GALNT13: variants seen among roughly 807,000 people sequenced by gnomAD.
The protein encoded by GALNT13 is UDP-GalNAc:polypeptide N-acetylgalactosaminyltransferase 13.
A neutral mutation model predicts 64.2 loss-of-function variants in GALNT13; 28 were observed. That is an observed-to-expected ratio of 0.44 (90% CI 0.32 to 0.60). The LOEUF (loss-of-function observed/expected upper bound fraction) is 0.60, where lower values mean the gene tolerates loss of function less well. Ranked by LOEUF, GALNT13 falls within the 20% of genes least tolerant of loss-of-function variation. The pLI, the probability that GALNT13 is intolerant of heterozygous loss-of-function variation, is 0.05. For missense variants in GALNT13, 577 were observed against 669.8 expected, an observed-to-expected ratio of 0.86 and a Z score of 1.53; for synonymous variants, 214 against 224.6, an observed-to-expected ratio of 0.95 and a Z score of 0.42.
chr2:153,872,635 A>C (rs13027559), intron 1 of GALNT13, among the ~76,000 whole-genome samples: 3 of 42,314 alleles, frequency 7.1e-5, no homozygotes, highest in South Asian at 1.6e-3. Flanking sequence ...GGGGGGGGGG[A>C]GCGGCTCTGG....
chr2:153,899,913 A>G (rs536117988), intron 1 of GALNT13, among the ~76,000 whole-genome samples: 1 of 130,884 alleles, frequency 7.6e-6, no homozygotes, highest in South Asian at 2.5e-4. Context: ...AGGGAGATAT[A>G]TACATATATA....
chr2:153,117,126 A>G, the GALNT13 span, among the ~76,000 whole-genome samples: 2 of 151,808 alleles, frequency 1.3e-5, no homozygotes, highest in African/African-American at 4.8e-5. Flanking sequence ...TTTAAGAAAA[A>G]CCAGCCTCAT....
the GALNT13 span, among the ~76,000 whole-genome samples, chr2:153,720,541 G>C: frequency 4.7e-5 from 7 of 149,512 alleles, no homozygotes; most frequent in Non-Finnish European, 7.5e-5. Context: ...CAAACCAAAG[G>C]CAAAGAAGTT....
rs756418965 is a variant in GALNT13 at position 154,328,643 on chromosome 2, AT to A, written c.1156+27057del. Among the ~76,000 whole-genome samples the A allele has an allele frequency of 5.3e-5, 8 of 152,234 alleles. No individual in the cohort carries two copies. The East Asian group carries it at 1.6e-3, about 30-fold the overall frequency. ...CTACATCTACTGAATCAAAATCTGT[AT>A]TTCAACCAATCATTCCACGGCATAT... On this transcript the variant is annotated intron_variant, in intron 9 of 12. Coordinates refer to ENST00000392825, the MANE Select transcript of GALNT13 (RefSeq NM_052917.4).
At chr2:154,341,879 G>T (rs949905644) in intron 9 of GALNT13, among the ~76,000 whole-genome samples, 1 of 152,078 alleles carries the variant, frequency 6.6e-6, no homozygotes, top group Non-Finnish European at 1.5e-5. Context: ...CAGATGTCAT[G>T]AAATGATTGT....
chr2:154,002,246 T>C (rs962167565), intron 3 of GALNT13, among the ~76,000 whole-genome samples: 1 of 152,146 alleles, frequency 6.6e-6, no homozygotes, highest in African/African-American at 2.4e-5. Context: ...ATTATTGTCT[T>C]AAATAATCTT....
the GALNT13 span, among the ~76,000 whole-genome samples, chr2:153,573,599 C>T: frequency 6.6e-6 from 1 of 151,826 alleles, no homozygotes; most frequent in Non-Finnish European, 1.5e-5. Flanking sequence ...TTTGTGTATC[C>T]ATTGCATGTT....
intron 2 of GALNT13, among the ~76,000 whole-genome samples, chr2:153,911,905 A>G (rs903470853): frequency 1.3e-5 from 2 of 151,952 alleles, no homozygotes; most frequent in African/African-American, 4.8e-5. Flanking sequence ...CCTGTGAAGT[A>G]TTTTGTGGGG....
At chr2:154,335,646 C>T (rs1417296872) in intron 9 of GALNT13, among the ~76,000 whole-genome samples, 2 of 151,884 alleles carry the variant, frequency 1.3e-5, no homozygotes, top group Admixed American at 6.6e-5. Context: ...ATACATTGAA[C>T]ATTTTTTGTT....
At chr2:153,405,401 T>C in the GALNT13 span, among the ~76,000 whole-genome samples, 1 of 152,206 alleles carries the variant, frequency 6.6e-6, no homozygotes, top group African/African-American at 2.4e-5. Flanking sequence ...TGTGTGCCTG[T>C]GTATCTTCAT....
At chr2:153,682,490 C>T in the GALNT13 span, among the ~76,000 whole-genome samples, 7 of 151,822 alleles carry the variant, frequency 4.6e-5, no homozygotes, top group Admixed American at 4.0e-4. Flanking sequence ...ATCACTCCCT[C>T]TGCAAACTGT....
intron 4 of GALNT13, among the ~76,000 whole-genome samples, chr2:154,226,893 T>C (rs111755627): frequency 0.024 from 3,705 of 152,254 alleles, 134 homozygotes; most frequent in African/African-American, 0.077. Context: ...TTTATTGGCA[T>C]TAGTATATAG....
the GALNT13 span, among the ~76,000 whole-genome samples, chr2:153,393,592 C>T: frequency 6.6e-6 from 1 of 152,002 alleles, no homozygotes; most frequent in African/African-American, 2.4e-5. Flanking sequence ...TTATGTCATG[C>T]TTGGCTAGGT....
chr2:153,615,926 T>G, the GALNT13 span, among the ~76,000 whole-genome samples: 1 of 152,196 alleles, frequency 6.6e-6, no homozygotes, highest in African/African-American at 2.4e-5. Context: ...GTGCAGAAGC[T>G]TTTTAACTTG....
At chr2:153,642,578 A>G in the GALNT13 span, among the ~76,000 whole-genome samples, 1 of 151,898 alleles carries the variant, frequency 6.6e-6, no homozygotes, top group Admixed American at 6.6e-5. Flanking sequence ...AAAAACATAT[A>G]AAACAGGGCT....
At chr2:154,272,551 T>C (rs1691411400) in intron 8 of GALNT13, among the ~76,000 whole-genome samples, 1 of 152,134 alleles carries the variant, frequency 6.6e-6, no homozygotes, top group Non-Finnish European at 1.5e-5. Context: ...CATAAAGGAC[T>C]TAAATTCAGC....
chr2:154,134,645 A>T (rs1038347871), intron 3 of GALNT13, among the ~76,000 whole-genome samples: 1 of 152,226 alleles, frequency 6.6e-6, no homozygotes, highest in Non-Finnish European at 1.5e-5. Context: ...ATAAGTATGG[A>T]TTCACATATT....
the GALNT13 span, among the ~76,000 whole-genome samples, chr2:153,820,030 T>C: frequency 1.3e-5 from 2 of 151,968 alleles, no homozygotes; most frequent in Non-Finnish European, 2.9e-5. Context: ...ATCCAGGAAA[T>C]GAAGAAAGAG....
chr2:153,971,341 T>C (rs1693727282), intron 3 of GALNT13, among the ~76,000 whole-genome samples: 1 of 152,140 alleles, frequency 6.6e-6, no homozygotes, highest in South Asian at 2.1e-4. Flanking sequence ...ATATTATGTT[T>C]TACTTATTTA....
Sources: gnomAD v4.1 joint callset for allele counts (sites outside exome capture counted in the v4.1 genomes callset) on GRCh38, gnomAD v4.1.1 for gene constraint, MANE v1.5 for transcripts, NCBI Gene and HGNC (gene_info 2026-07-23, HGNC 2026-07-21) for gene names.